Variants in NUDT3 observed in about 807,000 individuals in gnomAD.
The protein encoded by NUDT3 is diphosphoinositol polyphosphate phosphohydrolase 1.
NUDT3 carries 9 observed loss-of-function variants against 23.6 expected under a neutral mutation model. That is an observed-to-expected ratio of 0.38 (90% CI 0.23 to 0.66). The LOEUF is 0.66. NUDT3 is among the 30% of genes least tolerant of loss of function. NUDT3 has a pLI of 0.52. For synonymous variants in NUDT3, 86 were observed against 82.6 expected (o/e 1.04, Z -0.22); for missense variants, 172 against 218.5 (o/e 0.79, Z 1.34).
chr6:34,300,072 C>G (rs1025115237), intron 2 of NUDT3, among the ~76,000 whole-genome samples: 1 of 151,900 alleles, frequency 6.6e-6, no homozygotes, highest in African/African-American at 2.4e-5. Flanking sequence ...GAAAAAAACA[C>G]AAGTGTCTCT....
chr6:34,380,827 G>A (rs1765004054), intron 1 of NUDT3, among the ~76,000 whole-genome samples: 3 of 152,074 alleles, frequency 2.0e-5, no homozygotes, highest in South Asian at 2.1e-4. Flanking sequence ...CTGCATATCT[G>A]GGCCTCTGAC....
At chr6:34,374,173 A>C (rs397832168) in intron 1 of NUDT3, among the ~76,000 whole-genome samples, 242 of 151,514 alleles carry the variant, frequency 1.6e-3, no homozygotes, top group African/African-American at 5.5e-3. Context: ...AAAAAAAAAA[A>C]AAAAAAAAAT....
chr6:34,288,965 G>A (rs1446254653), intron 4 of NUDT3, 34 bp from the exon 5 acceptor site: 4 of 1,547,306 alleles, frequency 2.6e-6, no homozygotes, highest in Non-Finnish European at 3.5e-6. Flanking sequence ...ACTAGTACAA[G>A]AGTAATAAGG....
chr6:34,296,052 G>C (rs1763494685), intron 2 of NUDT3, among the ~76,000 whole-genome samples: 1 of 152,226 alleles, frequency 6.6e-6, no homozygotes, highest in African/African-American at 2.4e-5. Context: ...AGGATCGCTT[G>C]AGGATAAGAG....
At position 34,287,275 on chromosome 6, in the gene NUDT3, C is replaced by A. The variant is rs963277583; in HGVS notation, c.*1478G>T. On this transcript the variant is annotated 3_prime_UTR_variant, in exon 5 of 5. Transcript: ENST00000607016. Reference sequence around the variant, plus strand: ...ATTTCACATCTTGGCTAAGGAGATGCCACTGGAGTACAGAGATAATCTCCT... The same window carrying A: ...ATTTCACATCTTGGCTAAGGAGATGACACTGGAGTACAGAGATAATCTCCT... 2.6e-5 allele frequency: 4 copies of A among 152,180 alleles called. No individual in the cohort carries two copies. The highest frequency in any genetic ancestry group is 5.9e-5 in the Non-Finnish European group (4 of 68,038). The allele number at this position is 152,180 out of a possible 1,614,324, so 9.4% of individuals were successfully genotyped here. A position where few individuals can be genotyped will look rare whatever the true frequency, so the allele number is the denominator to read the frequency against.
At chr6:34,309,003 C>G (rs1179213282) in intron 2 of NUDT3, among the ~76,000 whole-genome samples, 1 of 152,126 alleles carries the variant, frequency 6.6e-6, no homozygotes, top group African/African-American at 2.4e-5. Context: ...AGACCACATT[C>G]TGAACTACAA....
At chr6:34,299,438 CTTTTTT>C (rs900268782) in intron 2 of NUDT3, among the ~76,000 whole-genome samples, 5 of 151,498 alleles carry the variant, frequency 3.3e-5, no homozygotes, top group East Asian at 1.9e-4. Context: ...TACCCTTTTT[CTTTTTT>C]TTAAGAGACA....
intron 2 of NUDT3, among the ~76,000 whole-genome samples, chr6:34,337,596 C>A (rs1764228544): frequency 6.6e-6 from 1 of 152,220 alleles, no homozygotes; most frequent in South Asian, 2.1e-4. Flanking sequence ...CAATGCATTT[C>A]CTGTTGCAAA....
At chr6:34,306,736 A>G (rs934421139) in intron 2 of NUDT3, among the ~76,000 whole-genome samples, 3 of 152,230 alleles carry the variant, frequency 2.0e-5, no homozygotes, top group Admixed American at 6.5e-5. Context: ...ACTAAACTTA[A>G]TATTTGTCAA....
intron 2 of NUDT3, among the ~76,000 whole-genome samples, chr6:34,300,622 C>T (rs1581852059): frequency 6.6e-6 from 1 of 152,320 alleles, no homozygotes; most frequent in East Asian, 1.9e-4. Flanking sequence ...CTGCTACCAT[C>T]ATCTGATCAT....
At chr6:34,298,456 G>A (rs572101824) in intron 2 of NUDT3, among the ~76,000 whole-genome samples, 1 of 148,148 alleles carries the variant, frequency 6.8e-6, no homozygotes, top group African/African-American at 2.7e-5. Context: ...TTCACTCTGT[G>A]TCAGATGCAG....
At chr6:34,377,724 T>C (rs1411306092) in intron 1 of NUDT3, among the ~76,000 whole-genome samples, 3 of 151,672 alleles carry the variant, frequency 2.0e-5, no homozygotes, top group Non-Finnish European at 4.4e-5. Flanking sequence ...CCCCAGCTAC[T>C]TGGGAGGCTG....
intron 2 of NUDT3, among the ~76,000 whole-genome samples, chr6:34,334,330 G>A (rs1353017154): frequency 1.3e-5 from 2 of 152,166 alleles, no homozygotes; most frequent in Non-Finnish European, 2.9e-5. Flanking sequence ...GAGCACTGGA[G>A]ATTCGACAAT....
At chr6:34,311,470 G>T (rs1763771458) in intron 2 of NUDT3, among the ~76,000 whole-genome samples, 1 of 152,088 alleles carries the variant, frequency 6.6e-6, no homozygotes, top group Non-Finnish European at 1.5e-5. Flanking sequence ...TTAATGAATA[G>T]GAAGACTCAA....
chr6:34,382,376 C>A (rs999626458), intron 1 of NUDT3, among the ~76,000 whole-genome samples: 10 of 152,198 alleles, frequency 6.6e-5, no homozygotes, highest in African/African-American at 2.4e-4. Context: ...ACACTCCAGC[C>A]TGGGTGGCAG....
chr6:34,345,655 T>C (rs1291553669), intron 1 of NUDT3, among the ~76,000 whole-genome samples: 8 of 108,772 alleles, frequency 7.4e-5, no homozygotes, highest in Non-Finnish European at 1.4e-4. Context: ...AGAGCGAGAC[T>C]CCGTCCCAAA....
chr6:34,390,506 A>G (rs992523576), intron 1 of NUDT3, among the ~76,000 whole-genome samples: 35 of 151,878 alleles, frequency 2.3e-4, no homozygotes, highest in Non-Finnish European at 4.6e-4. Context: ...TCAAAAATAC[A>G]TTTTCTATTT....
At chr6:34,293,422 C>CCAGCTA in intron 4 of NUDT3, 29 bp downstream of exon 4, 1 of 1,613,680 alleles carries the variant, frequency 6.2e-7, no homozygotes, top group East Asian at 2.2e-5. Flanking sequence ...TGTGAGGAAC[C>CCAGCTA]CTTTCCAGGC....
rs575447359 is a variant in NUDT3 at position 34,372,472 on chromosome 6, A to T, written c.99+19792T>A. Among the ~76,000 whole-genome samples, 13 of 151,836 alleles carry T rather than the reference A, an allele frequency of 8.6e-5. 1 individual carries two copies. In the South Asian group the frequency reaches 2.7e-3, roughly 32 times the overall value. The stretch of plus-strand genomic sequence containing the variant: ...GAGATGGTATCTCATTGTGGTTTTG[A>T]TTTGCGTTTCTCTGATGGCCAAGTG... On this transcript the variant is annotated intron_variant, in intron 1 of 4. Transcript: ENST00000607016.
Sources: gnomAD v4.1 joint callset for allele counts (sites outside exome capture counted in the v4.1 genomes callset) on GRCh38, gnomAD v4.1.1 for gene constraint, MANE v1.5 for transcripts, NCBI Gene and HGNC (gene_info 2026-07-23, HGNC 2026-07-21) for gene names.